Variants in FN3K observed in about 807,000 individuals in gnomAD.
FN3K encodes fructosamine 3 kinase, also known as fructosamine-3-kinase.
FN3K carries 24 observed loss-of-function variants against 24.8 expected under a neutral mutation model. The ratio of observed to expected loss-of-function variants is 0.97; its 90% CI spans 0.70 to 1.36. The LOEUF (loss-of-function observed/expected upper bound fraction) is 1.36, where lower values mean the gene tolerates loss of function less well. Among genes scored for constraint, FN3K ranks in the 40% most tolerant of loss-of-function variants. FN3K has a pLI of 0.00. For missense variants in FN3K, 449 were observed against 416.7 expected, an observed-to-expected ratio of 1.08 and a Z score of -0.67; for synonymous variants, 192 against 175.2, an observed-to-expected ratio of 1.10 and a Z score of -0.76.
At chr17:82,746,123 C>A (rs1328569625) in intron 4 of FN3K, among the ~76,000 whole-genome samples, 2 of 149,886 alleles carry the variant, frequency 1.3e-5, no homozygotes, top group Non-Finnish European at 1.5e-5. Flanking sequence ...CTACCAAACT[C>A]TTTTCCAAAG....
rs1374973432 is a variant in FN3K at position 82,738,944 on chromosome 17, ATAT to A, written c.293+306_293+308del. Among the ~76,000 whole-genome samples the A allele has an allele frequency of 6.7e-3, 554 of 83,032 alleles. 5 individuals are homozygous for A. The highest frequency in any genetic ancestry group is 0.049 in the East Asian group (134 of 2,754). The allele number at this position is 83,032 out of a possible 152,430, so 54.5% of individuals were successfully genotyped here. ...TATACACATATATATATATATATAT[ATAT>A]TTTTTTTTTTTTTGAAACACAGTCT... On this transcript the variant is annotated intron_variant, in intron 2 of 5. Transcript: ENST00000300784.
intron 4 of FN3K, chr17:82,742,790 A>G (rs1218478906): frequency 4.5e-6 from 2 of 447,208 alleles, no homozygotes; most frequent in Non-Finnish European, 8.9e-6. Context: ...GAGCTAGTTC[A>G]AAGTCACTGC....
intron 4 of FN3K, among the ~76,000 whole-genome samples, chr17:82,743,890 C>T (rs1298389572): frequency 6.6e-6 from 1 of 152,214 alleles, no homozygotes. Flanking sequence ...ACCCAGGTGG[C>T]ACCTTCCCCG....
chr17:82,737,078 G>A (rs113136087), intron 1 of FN3K, among the ~76,000 whole-genome samples: 7 of 151,894 alleles, frequency 4.6e-5, no homozygotes, highest in Non-Finnish European at 1.5e-5. Context: ...GGGTGTGCCG[G>A]CCGCCCTCCC....
In FN3K at chr17:82,738,441, G is replaced by A. The variant is rs181798572; in HGVS notation, c.142-48G>A. On this transcript the variant is annotated intron_variant, in intron 1 of 5. Coordinates refer to ENST00000300784, the MANE Select transcript of FN3K (RefSeq NM_022158.4). ...TTCTGTCAAGGGCCCAGTGGGCAGA[G>A]GCCCTGGCTGAGTCAACAAGGCTGA... The A allele has an allele frequency of 2.2e-5, 36 of 1,610,890 alleles. No homozygotes were observed. In the East Asian group the frequency reaches 7.8e-4, roughly 35 times the overall value.
chr17:82,748,901 G>A lies in FN3K; in HGVS notation c.515G>A (p.Arg172Gln), dbSNP rs1430613883. The A allele has an allele frequency of 1.1e-5, 17 of 1,613,774 alleles. No homozygotes were observed. The highest frequency in any genetic ancestry group is 1.3e-5 in the Non-Finnish European group (15 of 1,180,012). The change falls in exon 5 of 6, where the codon CGG becomes CAG. Residue 172 changes from arginine to glutamine, a missense_variant. Transcript: ENST00000300784. ...DDWPTFFARHRLQAQLDLIEK... is the reference protein window; with the variant it reads ...DDWPTFFARHQLQAQLDLIEK... ...TGGCCGACCTTTTTCGCCCGGCACCGGCTCCAGGCGCAGCTGGACCTCATT... is the reference window on the plus strand; with the variant it reads ...TGGCCGACCTTTTTCGCCCGGCACCAGCTCCAGGCGCAGCTGGACCTCATT...
At chr17:82,745,707 A>G (rs1372197407) in intron 4 of FN3K, 1 of 152,206 alleles carries the variant, frequency 6.6e-6, no homozygotes, top group East Asian at 1.9e-4. Context: ...CTTTGTGTAC[A>G]AATCTTGGTC....
intron 1 of FN3K, chr17:82,736,447 A>G (rs1416428231): frequency 1.3e-5 from 2 of 152,258 alleles, no homozygotes; most frequent in Non-Finnish European, 2.9e-5. Context: ...GAGGCAGGAG[A>G]ATTGCTTGAA....
At chr17:82,741,961 G>C (rs996250363) in intron 4 of FN3K, among the ~76,000 whole-genome samples, 5 of 152,098 alleles carry the variant, frequency 3.3e-5, no homozygotes, top group African/African-American at 1.2e-4. Flanking sequence ...AGGCTGGAGT[G>C]CAATGGCACG....
At chr17:82,740,657 T>C (rs2046936126) in intron 2 of FN3K, 106 bp from the exon 3 acceptor site, 1 of 773,162 alleles carries the variant, frequency 1.3e-6, no homozygotes, top group South Asian at 1.5e-5. Context: ...GTTTGAAGAA[T>C]GGAGAATAGT....
chr17:82,735,998 G>A, intron 1 of FN3K: 1 of 571,684 alleles, frequency 1.7e-6, no homozygotes, highest in Non-Finnish European at 3.0e-6. Context: ...GCAGCGCACA[G>A]GCTTCTAGGG....
rs781278651 is a variant in FN3K at position 82,750,739 on chromosome 17, G to T, written c.914G>T (p.Arg305Leu). ...EYRSPSLGTM[R>L]RLLK ...AGGAGCCCTTCCTTGGGCACCATGC[G>T]AAGGCTGCTCAAGTAGCGGCCCCTG... is the stretch of plus-strand genomic sequence containing the variant. Residue 305 changes from arginine (R) to leucine (L), a missense_variant, in exon 6 of 6, where the codon CGA (arginine) becomes CTA (leucine). Physicochemically the swap from Arg to Leu is moderately radical, Grantham distance 102 (BLOSUM62 -2). Coordinates refer to ENST00000300784, the MANE Select transcript of FN3K (RefSeq NM_022158.4). 4.3e-6 allele frequency: 7 copies of T among 1,612,896 alleles called. No individual in the cohort carries two copies. The South Asian group carries it at 7.7e-5, about 18-fold the overall frequency.
chr17:82,739,749 G>A (rs1024446289), intron 2 of FN3K, among the ~76,000 whole-genome samples: 2 of 151,966 alleles, frequency 1.3e-5, no homozygotes, highest in Non-Finnish European at 2.9e-5. Flanking sequence ...GAGCCACCGC[G>A]CCCGGCCTAA....
chr17:82,746,464 C>T (rs1383983549), intron 4 of FN3K, among the ~76,000 whole-genome samples: 3 of 151,838 alleles, frequency 2.0e-5, no homozygotes, highest in Non-Finnish European at 4.4e-5. Flanking sequence ...ATATGATTTG[C>T]GAATAGTGTC....
At chr17:82,740,645 C>CTGTTTGAAGAATGGAGAATAGTTTTCAA in intron 2 of FN3K, 118 bp from the exon 3 acceptor site, 1 of 724,230 alleles carries the variant, frequency 1.4e-6, no homozygotes, top group Admixed American at 2.1e-5. Flanking sequence ...TCACTTTTTA[C>CTGTTTGAAGAATGGAGAATAGTTTTCAA]TGTTTGAAGA....
chr17:82,738,191 C>A (rs1047213205), intron 1 of FN3K: 8 of 396,292 alleles, frequency 2.0e-5, no homozygotes, highest in Non-Finnish European at 3.3e-5. Flanking sequence ...CTCACACCTC[C>A]CCACGCCCTC....
Position 82,750,849 on chromosome 17 carries a change from CCCCTGTTCCCGTCT to C in FN3K, c.*98_*111del. On this transcript the variant is annotated 3_prime_UTR_variant, in exon 6 of 6. Coordinates refer to ENST00000300784, the MANE Select transcript of FN3K (RefSeq NM_022158.4). Reference sequence around the variant, plus strand: ...CCGTCCCTGTGCCCCCGTCCCTGTCCCCCTGTTCCCGTCTCCCCGTCCCTCCGTCTCCATCCCCC... The same window carrying C: ...CCGTCCCTGTGCCCCCGTCCCTGTCCCCCCGTCCCTCCGTCTCCATCCCCC... 1.0e-6 allele frequency: 1 copy of C among 966,858 alleles called. No individual in the cohort carries two copies. Among genetic ancestry groups the C allele is most frequent in the Non-Finnish European group, 1.5e-6 (1 of 673,114 alleles). 59.9% of individuals were successfully genotyped at this position (966,858 alleles called of 1,614,324 possible).
At chr17:82,747,483 C>T (rs745565588) in intron 4 of FN3K, among the ~76,000 whole-genome samples, 32 of 152,204 alleles carry the variant, frequency 2.1e-4, no homozygotes, top group Non-Finnish European at 4.0e-4. Context: ...TCACTGCAAC[C>T]TCTGCCTCTT....
chr17:82,740,399 C>T (rs2143642441), intron 2 of FN3K, among the ~76,000 whole-genome samples: 1 of 123,786 alleles, frequency 8.1e-6, no homozygotes, highest in Admixed American at 1.1e-4. Context: ...AAAGCCGAGG[C>T]AGGAGGAGAC....
Sources: allele counts gnomAD v4.1 joint callset (sites outside exome capture counted in the v4.1 genomes callset), GRCh38; gene constraint gnomAD v4.1.1; transcripts MANE v1.5; gene names NCBI Gene and HGNC (gene_info 2026-07-23, HGNC 2026-07-21).